PCDH9: variants seen among roughly 807,000 people sequenced by gnomAD.
PCDH9 encodes the protein protocadherin 9.
Under a neutral mutation model 70.6 loss-of-function variants are expected in PCDH9, and 24 were observed. That is an observed-to-expected ratio of 0.34 (90% CI 0.25 to 0.48). PCDH9 has a LOEUF of 0.48. Among genes scored for constraint, PCDH9 ranks in the 20% least tolerant of loss-of-function variants. PCDH9 has a pLI of 0.99. For missense variants in PCDH9, 1,281 were observed against 1,503.6 expected, an observed-to-expected ratio of 0.85 and a Z score of 2.45; for synonymous variants, 562 against 558.5, an observed-to-expected ratio of 1.01 and a Z score of -0.09.
chr13:66,341,987 G>A (rs1432536246), intron 4 of PCDH9, among the ~76,000 whole-genome samples: 1 of 152,164 alleles, frequency 6.6e-6, no homozygotes, highest in African/African-American at 2.4e-5. Flanking sequence ...TGAACAGATG[G>A]AAAAGAGAAG....
At chr13:66,991,231 A>G (rs2083996354) in intron 2 of PCDH9, 1 of 152,132 alleles carries the variant, frequency 6.6e-6, no homozygotes, top group Non-Finnish European at 1.5e-5. Flanking sequence ...CAATTTTGTA[A>G]GATCAATCCA....
chr13:66,698,915 T>C lies in PCDH9; in HGVS notation c.3139-67504A>G, dbSNP rs1255860460. Among the ~76,000 whole-genome samples the C allele has an allele frequency of 1.6e-4, 21 of 133,122 alleles. No individual in the cohort carries two copies. The Admixed American group carries it at 1.6e-3, about 10-fold the overall frequency. 87.3% of individuals were successfully genotyped at this position (133,122 alleles called of 152,430 possible). ...TTCCTCTTTTTTTTTTTTTTTTTTT[T>C]TTGTTGTTGTTGTTGTTGAGATGGA... is the stretch of plus-strand genomic sequence containing the variant. On this transcript the variant is annotated intron_variant, in intron 3 of 4. Coordinates refer to ENST00000377865, the MANE Select transcript of PCDH9 (RefSeq NM_203487.3).
chr13:66,489,175 T>A (rs7994369), intron 4 of PCDH9, among the ~76,000 whole-genome samples: 149,480 of 152,280 alleles, frequency 0.98, 73,428 homozygotes, highest in East Asian at 1. Flanking sequence ...AATTAGCCAT[T>A]ATGTTTCTAT....
At chr13:66,362,804 C>T (rs1288311753) in intron 4 of PCDH9, among the ~76,000 whole-genome samples, 2 of 152,120 alleles carry the variant, frequency 1.3e-5, no homozygotes, top group East Asian at 3.9e-4. Context: ...ATATCAGGCT[C>T]TAATTGTAGC....
At chr13:66,449,813 T>C (rs1958169653) in intron 4 of PCDH9, among the ~76,000 whole-genome samples, 1 of 152,138 alleles carries the variant, frequency 6.6e-6, no homozygotes, top group Non-Finnish European at 1.5e-5. Flanking sequence ...TTAATAAAGA[T>C]TATATTATGC....
chr13:66,408,876 T>C (rs1367864788), intron 4 of PCDH9, among the ~76,000 whole-genome samples: 1 of 152,170 alleles, frequency 6.6e-6, no homozygotes, highest in Non-Finnish European at 1.5e-5. Context: ...TTAAGATTTT[T>C]CTGGGGAGGA....
intron 2 of PCDH9, among the ~76,000 whole-genome samples, chr13:66,980,741 T>TTTTTTTTTTTTTTTTTTTA (rs2083741594): frequency 7.5e-6 from 1 of 132,520 alleles, no homozygotes; most frequent in Non-Finnish European, 1.6e-5. Context: ...TTTTTTTTTT[T>TTTTTTTTTTTTTTTTTTTA]GTTTTTTTTT....
intron 4 of PCDH9, among the ~76,000 whole-genome samples, chr13:66,570,200 A>C (rs2076714054): frequency 6.6e-6 from 1 of 152,208 alleles, no homozygotes; most frequent in Admixed American, 6.5e-5. Flanking sequence ...ACATTGTTGA[A>C]ATGACACAGT....
intron 4 of PCDH9, among the ~76,000 whole-genome samples, chr13:66,335,888 G>A (rs760489530): frequency 9.9e-5 from 15 of 152,214 alleles, no homozygotes; most frequent in Non-Finnish European, 1.5e-4. Context: ...CCGGAGGCCC[G>A]TATTGTCAAT....
At chr13:67,001,454 C>T (rs545906759) in intron 2 of PCDH9, among the ~76,000 whole-genome samples, 3 of 152,250 alleles carry the variant, frequency 2.0e-5, no homozygotes, top group African/African-American at 7.2e-5. Flanking sequence ...ACTTAGAAAA[C>T]AAGGGTAGAG....
chr13:67,006,561 T>A (rs2084359013), intron 2 of PCDH9, among the ~76,000 whole-genome samples: 1 of 152,216 alleles, frequency 6.6e-6, no homozygotes, highest in Admixed American at 6.5e-5. Flanking sequence ...CACAGGTCCT[T>A]GGACCATAAC....
intron 3 of PCDH9, among the ~76,000 whole-genome samples, chr13:66,878,477 T>C (rs947653399): frequency 4.6e-5 from 7 of 152,148 alleles, no homozygotes. Flanking sequence ...TCAGCCCGCC[T>C]TGGACTCCCA....
At chr13:66,324,236 C>T (rs1410406133) in intron 4 of PCDH9, among the ~76,000 whole-genome samples, 1 of 151,954 alleles carries the variant, frequency 6.6e-6, no homozygotes, top group East Asian at 1.9e-4. Context: ...CTTAGGGGTC[C>T]TGCTATATAA....
intron 4 of PCDH9, among the ~76,000 whole-genome samples, chr13:66,313,357 T>C (rs577471472): frequency 3.0e-4 from 45 of 152,238 alleles, no homozygotes; most frequent in Non-Finnish European, 5.7e-4. Context: ...TCTCCTGAAT[T>C]ACTCTCCATT....
intron 4 of PCDH9, among the ~76,000 whole-genome samples, chr13:66,486,478 TA>T (rs201894528): frequency 0.024 from 3,667 of 150,210 alleles, 131 homozygotes; most frequent in East Asian, 0.09. Context: ...AAAATAAAAA[TA>T]AAAAAAATTA....
chr13:66,540,511 T>C (rs1960909426), intron 4 of PCDH9, among the ~76,000 whole-genome samples: 1 of 152,214 alleles, frequency 6.6e-6, no homozygotes, highest in Non-Finnish European at 1.5e-5. Context: ...TAAAGGTTTC[T>C]TAAAAGCTCT....
At chr13:66,548,032 T>C in intron 4 of PCDH9, among the ~76,000 whole-genome samples, 1 of 142,084 alleles carries the variant, frequency 7.0e-6, no homozygotes, top group South Asian at 2.1e-4. Context: ...TATGTATGTA[T>C]GTTTGTGTTT....
intron 4 of PCDH9, among the ~76,000 whole-genome samples, chr13:66,586,266 T>C (rs1334606881): frequency 6.6e-6 from 1 of 152,176 alleles, no homozygotes; most frequent in Non-Finnish European, 1.5e-5. Flanking sequence ...AAAGTAATGC[T>C]ATATAATAGA....
At chr13:66,824,707 CATATATATATACACACACACAT>C (rs1424296500) in intron 3 of PCDH9, among the ~76,000 whole-genome samples, 159 of 131,992 alleles carry the variant, frequency 1.2e-3, no homozygotes, top group South Asian at 5.4e-3. Context: ...TGCACACACA[CATATATATATACACACACACAT>C]ATATATATAT....
Sources: gnomAD v4.1 joint callset for allele counts (sites outside exome capture counted in the v4.1 genomes callset) on GRCh38, gnomAD v4.1.1 for gene constraint, MANE v1.5 for transcripts, NCBI Gene and HGNC (gene_info 2026-07-23, HGNC 2026-07-21) for gene names.